Variants in MLLT10 observed in about 807,000 individuals in gnomAD.
MLLT10 encodes protein AF-10.
In MLLT10, 30 loss-of-function variants were observed where a neutral mutation model predicts 129.1. The observed-to-expected ratio is 0.23, with a 90% CI of 0.17 to 0.32. The LOEUF (loss-of-function observed/expected upper bound fraction) is 0.32, where lower values mean the gene tolerates loss of function less well. MLLT10 is among the 10% of genes least tolerant of loss of function. The pLI, the probability that MLLT10 is intolerant of heterozygous loss-of-function variation, is 1.00. For missense variants in MLLT10, 1,119 were observed against 1,268.3 expected (o/e 0.88, Z 1.79); for synonymous variants, 490 against 446.4 (o/e 1.10, Z -1.23).
At chr10:21,657,662 T>C (rs777937383) in intron 9 of MLLT10, among the ~76,000 whole-genome samples, 47 of 152,298 alleles carry the variant, frequency 3.1e-4, no homozygotes, top group Non-Finnish European at 2.6e-4. Flanking sequence ...GTAATTTAGC[T>C]TTTAAAGTAC....
chr10:21,733,494 A>T lies in MLLT10; in HGVS notation c.2408-10A>T, dbSNP rs1215587778. On this transcript the variant is annotated splice_polypyrimidine_tract_variant and intron_variant, in intron 18 of 22. Transcript: ENST00000307729. Reference sequence around the variant, plus strand: ...GTAAATAGGTTTCTTTTTGTCTTTTATTATTCTAGCTCCTACTACTGATTC... The same window carrying T: ...GTAAATAGGTTTCTTTTTGTCTTTTTTTATTCTAGCTCCTACTACTGATTC... The T allele has an allele frequency of 1.3e-6, 2 of 1,483,772 alleles. No individual in the cohort carries two copies. Among genetic ancestry groups the T allele is most frequent in the Non-Finnish European group, 9.0e-7 (1 of 1,114,436 alleles). 91.9% of individuals were successfully genotyped at this position (1,483,772 alleles called of 1,614,324 possible).
chr10:21,595,597 T>A (rs2131132880), intron 5 of MLLT10, 157 bp downstream of exon 5: 1 of 565,166 alleles, frequency 1.8e-6, no homozygotes, highest in East Asian at 2.8e-5. Context: ...GTTATTAATA[T>A]GTTACTAAGG....
At chr10:21,691,020 C>T (rs908333086) in intron 13 of MLLT10, among the ~76,000 whole-genome samples, 1 of 152,072 alleles carries the variant, frequency 6.6e-6, no homozygotes, top group Non-Finnish European at 1.5e-5. Flanking sequence ...CCAAGAATGC[C>T]AAATGTTGCT....
chr10:21,666,023 A>G (rs551658521), intron 9 of MLLT10, among the ~76,000 whole-genome samples: 5 of 152,146 alleles, frequency 3.3e-5, no homozygotes, highest in Non-Finnish European at 7.3e-5. Context: ...ATTTTAATCT[A>G]ACATTTGCTA....
rs555021542 is a variant in MLLT10, at chr10:21,740,072, C to T, written c.2998C>T (p.His1000Tyr). ...TTTGTATCAGTTAATGCAACATCAC[C>T]ACCAGCAGCACCACCAACCTGAACT... ...AFLYQLMQHH[H>Y]QQHHQPELQQ... is the part of the protein sequence containing the mutation. The change falls in exon 22 of 23, where the codon CAC (histidine) becomes TAC (tyrosine). Residue 1000 changes from histidine (H) to tyrosine (Y), a missense_variant. Coordinates refer to ENST00000307729, the MANE Select transcript of MLLT10 (RefSeq NM_001195626.3). 1.9e-6 allele frequency: 3 copies of T among 1,613,634 alleles called. No individual in the cohort carries two copies. In the East Asian group the frequency reaches 6.7e-5, roughly 36 times the overall value.
At chr10:21,729,103 A>T (rs930139797) in intron 16 of MLLT10, among the ~76,000 whole-genome samples, 2 of 152,088 alleles carry the variant, frequency 1.3e-5, no homozygotes, top group African/African-American at 4.8e-5. Context: ...TCTGCAGAAA[A>T]TCAAATATCC....
At chr10:21,734,760 A>G (rs2058226165) in intron 20 of MLLT10, among the ~76,000 whole-genome samples, 1 of 152,222 alleles carries the variant, frequency 6.6e-6, no homozygotes, top group Admixed American at 6.5e-5. Flanking sequence ...AGGTCAAATC[A>G]GTGGTATGTT....
chr10:21,728,603 CTT>C (rs2057702822), intron 16 of MLLT10, among the ~76,000 whole-genome samples: 2 of 152,108 alleles, frequency 1.3e-5, no homozygotes, highest in Non-Finnish European at 1.5e-5. Flanking sequence ...TGTGCGTTCT[CTT>C]TGTTTTCTCC....
intron 22 of MLLT10, 26 bp downstream of exon 22, chr10:21,740,262 T>G (rs755355424): frequency 6.2e-7 from 1 of 1,601,696 alleles, no homozygotes; most frequent in Non-Finnish European, 8.6e-7. Context: ...TTACTACATC[T>G]AATGAAACAA....
intron 9 of MLLT10, among the ~76,000 whole-genome samples, chr10:21,665,646 G>T (rs1322403440): frequency 2.6e-5 from 4 of 151,922 alleles, no homozygotes; most frequent in African/African-American, 9.7e-5. Flanking sequence ...ATTCATTGTT[G>T]CAATCTTTGC....
rs34503343 is a variant in MLLT10 at position 21,577,461 on chromosome 10, GTT to G, written c.241-8815_241-8814del. On this transcript the variant is annotated intron_variant, in intron 3 of 22. Coordinates refer to ENST00000307729, the MANE Select transcript of MLLT10 (RefSeq NM_001195626.3). Reference sequence around the variant, plus strand: ...AAATTACCAGCAACAATAGATGAAGGTTTTTTTTTTTTTTTTTTTGAGACGGA... The same window carrying G: ...AAATTACCAGCAACAATAGATGAAGGTTTTTTTTTTTTTTTTTGAGACGGA... Among the ~76,000 whole-genome samples, 778 of 126,514 alleles carry G rather than the reference GTT, an allele frequency of 6.1e-3. 5 individuals carry two copies. Among genetic ancestry groups the G allele is most frequent in the African/African-American group, 0.02 (664 of 33,426 alleles). 83.0% of individuals were successfully genotyped at this position (126,514 alleles called of 152,430 possible).
intron 21 of MLLT10, among the ~76,000 whole-genome samples, chr10:21,737,822 CAT>C (rs1564754425): frequency 6.6e-6 from 1 of 152,128 alleles, no homozygotes; most frequent in African/African-American, 2.4e-5. Flanking sequence ...GCTTAATTAA[CAT>C]AGAAATTACA....
chr10:21,710,666 C>A (rs547396676), intron 13 of MLLT10, among the ~76,000 whole-genome samples: 1 of 152,290 alleles, frequency 6.6e-6, no homozygotes, highest in East Asian at 1.9e-4. Context: ...GTCCCACAGG[C>A]ATCTCAAAGA....
intron 13 of MLLT10, among the ~76,000 whole-genome samples, chr10:21,696,770 T>A (rs556867682): frequency 4.6e-5 from 7 of 152,218 alleles, no homozygotes; most frequent in African/African-American, 1.7e-4. Context: ...CTGGCCAGAA[T>A]TTGGTACTTA....
At chr10:21,556,141 A>G (rs2037923247) in intron 3 of MLLT10, among the ~76,000 whole-genome samples, 1 of 150,666 alleles carries the variant, frequency 6.6e-6, no homozygotes. Context: ...ACACCTGGCT[A>G]ATTTTTGTAT....
At chr10:21,570,663 A>G (rs1264580935) in intron 3 of MLLT10, among the ~76,000 whole-genome samples, 1 of 151,122 alleles carries the variant, frequency 6.6e-6, no homozygotes, top group Non-Finnish European at 1.5e-5. Flanking sequence ...TTCATCTTAG[A>G]CTTTGTAATT....
intron 9 of MLLT10, among the ~76,000 whole-genome samples, chr10:21,659,885 C>T (rs897842196): frequency 1.3e-5 from 2 of 152,174 alleles, no homozygotes; most frequent in Admixed American, 6.5e-5. Flanking sequence ...ACCATCTATT[C>T]GTTTCTTTGG....
At chr10:21,547,171 CTTCA>C (rs1679896981) in intron 3 of MLLT10, among the ~76,000 whole-genome samples, 1 of 151,904 alleles carries the variant, frequency 6.6e-6, no homozygotes, top group Admixed American at 6.6e-5. Context: ...CGCCTGACCC[CTTCA>C]TTCTTTTATT....
Position 21,592,426 on chromosome 10 carries a change from C to T in MLLT10, c.296-2905C>T, listed in dbSNP as rs544656551. 2.0e-5 allele frequency among the ~76,000 whole-genome samples: 3 copies of T among 150,194 alleles called. No individual in the cohort carries two copies. The South Asian group carries it at 6.3e-4, about 32-fold the overall frequency. On this transcript the variant is annotated intron_variant, in intron 4 of 22. Transcript: ENST00000307729. Reference sequence around the variant, plus strand: ...GTCTTTAAGATTTTCATTTCTTTCCCTTAGTTTTCTGTAGTTTTTTTTTTT... The same window carrying T: ...GTCTTTAAGATTTTCATTTCTTTCCTTTAGTTTTCTGTAGTTTTTTTTTTT...
Sources: allele counts gnomAD v4.1 joint callset (sites outside exome capture counted in the v4.1 genomes callset), GRCh38; gene constraint gnomAD v4.1.1; transcripts MANE v1.5; gene names NCBI Gene and HGNC (gene_info 2026-07-23, HGNC 2026-07-21).